Variants in SORL1 observed in about 807,000 individuals in gnomAD.
SORL1 encodes the protein sortilin-related receptor.
In SORL1, 127 loss-of-function variants were observed where a neutral mutation model predicts 273.7. That is an observed-to-expected ratio of 0.46 (90% CI 0.40 to 0.54). SORL1 has a LOEUF of 0.54. Ranked by LOEUF, SORL1 falls within the 20% of genes least tolerant of loss-of-function variation. The pLI is 0.00. For synonymous variants in SORL1, 1,031 were observed against 1,067.4 expected, an observed-to-expected ratio of 0.97 and a Z score of 0.66; for missense variants, 2,494 against 2,846.1, an observed-to-expected ratio of 0.88 and a Z score of 2.81.
Position 121,589,354 on chromosome 11 carries a change from G to A in SORL1, c.4042G>A (p.Asp1348Asn), listed in dbSNP as rs1160681909. 1 of 1,613,684 alleles carries A rather than the reference G, an allele frequency of 6.2e-7. No individual in the cohort carries two copies. The highest frequency in any genetic ancestry group is 8.5e-7 in the Non-Finnish European group (1 of 1,179,658). Residue 1348 changes from aspartate (D) to asparagine (N), a missense_variant, in exon 29 of 48, where the codon GAT becomes AAT. This residue lies in a region of SORL1 where 1,609 missense variants were observed against 1,816.4 expected (regional missense o/e 0.89). Coordinates refer to ENST00000260197, the MANE Select transcript of SORL1 (RefSeq NM_003105.6). ...ISLIWKCDGM[D>N]DCGDYSDEAN... ...TTTGATTTGGAAGTGCGACGGGATG[G>A]ATGATTGCGGCGATTATTCTGATGA...
At chr11:121,547,786 G>A (rs1196671316) in intron 14 of SORL1, among the ~76,000 whole-genome samples, 1 of 152,100 alleles carries the variant, frequency 6.6e-6, no homozygotes. Context: ...TCTTGGAGAT[G>A]TTTGATGGCA....
chr11:121,615,156 C>A, intron 41 of SORL1, 101 bp downstream of exon 41: 3 of 961,804 alleles, frequency 3.1e-6, no homozygotes, highest in Non-Finnish European at 4.5e-6. Context: ...GCAAATGTTC[C>A]GGTGCCCCTG....
At chr11:121,505,197 A>T (rs1480107322) in intron 6 of SORL1, among the ~76,000 whole-genome samples, 1 of 152,044 alleles carries the variant, frequency 6.6e-6, no homozygotes, top group East Asian at 1.9e-4. Context: ...GTATCTTTCT[A>T]GTAATTTGTT....
intron 1 of SORL1, among the ~76,000 whole-genome samples, chr11:121,462,561 A>C (rs908019571): frequency 2.6e-5 from 4 of 152,168 alleles, no homozygotes; most frequent in African/African-American, 9.7e-5. Flanking sequence ...GCTATGAGGC[A>C]GGACCTAGAA....
intron 6 of SORL1, 80 bp from the exon 7 acceptor site, chr11:121,512,923 C>T (rs1235832475): frequency 2.1e-6 from 2 of 941,472 alleles, no homozygotes; most frequent in African/African-American, 3.3e-5. Flanking sequence ...AAGAATCTGA[C>T]TCTTCTATTT....
At chr11:121,573,474 T>TG (rs1305434242) in intron 23 of SORL1, among the ~76,000 whole-genome samples, 1 of 152,120 alleles carries the variant, frequency 6.6e-6, no homozygotes, top group Non-Finnish European at 1.5e-5. Flanking sequence ...TAACTGGGGC[T>TG]GGTGGTGGGT....
chr11:121,452,547 G>A lies in SORL1; in HGVS notation c.216G>A (p.Ala72=), dbSNP rs1266298054. ...GGGATGCCAGGGGGGCGAGCCGCGC[G>A]GACGAGAAGCCGCTCCGGAGGAAAC... is the stretch of plus-strand genomic sequence containing the variant. ...ARGDARGASR[A]DEKPLRRKRS... Residue 72 remains alanine, a synonymous_variant, in exon 1 of 48, where the codon GCG becomes GCA. Transcript: ENST00000260197. This position sits in a 1 kb window ranked among gnomAD's most constrained non-coding sequence, Gnocchi z 5.3. 1.3e-6 allele frequency: 2 copies of A among 1,501,054 alleles called. No individual in the cohort carries two copies. The highest frequency in any genetic ancestry group is 1.2e-5 in the South Asian group (1 of 80,454). 93.0% of individuals were successfully genotyped at this position (1,501,054 alleles called of 1,614,324 possible).
At chr11:121,486,288 C>T (rs546212932) in intron 3 of SORL1, among the ~76,000 whole-genome samples, 5 of 152,204 alleles carry the variant, frequency 3.3e-5, no homozygotes, top group African/African-American at 9.6e-5. Context: ...GGTGTGCATG[C>T]GAGGCCTTAC....
rs770182511 is a variant in SORL1, at chr11:121,595,647, C to A, written c.4394C>A (p.Pro1465His). The part of the protein sequence containing the change: ...LLANVTAAST[P>H]TQLGRCDRFE... Reference sequence around the variant, plus strand: ...GCAAACGTCACTGCTGCCTCCACTCCCACCCAACTTGGGCGATGTGACCGA... The same window carrying A: ...GCAAACGTCACTGCTGCCTCCACTCACACCCAACTTGGGCGATGTGACCGA... Residue 1465 changes from proline (P) to histidine (H), a missense_variant, in exon 32 of 48, where the codon CCC (proline) becomes CAC (histidine). Physicochemically the swap from Pro to His is moderately conservative, Grantham distance 77. Transcript: ENST00000260197. The surrounding 1 kb of genome is among the most constrained non-coding windows in gnomAD (Gnocchi z 5.1). 6 of 1,609,880 alleles carry A rather than the reference C, an allele frequency of 3.7e-6. No individual in the cohort carries two copies. Among genetic ancestry groups the A allele is most frequent in the South Asian group, 2.2e-5 (2 of 90,408 alleles).
At chr11:121,566,486 C>T (rs575848352) in intron 21 of SORL1, among the ~76,000 whole-genome samples, 3 of 152,274 alleles carry the variant, frequency 2.0e-5, no homozygotes, top group African/African-American at 7.2e-5. Context: ...GCTACAGGTG[C>T]GTGCTGCCAT....
chr11:121,628,291 T>C (rs974512973), intron 47 of SORL1, among the ~76,000 whole-genome samples: 1 of 152,202 alleles, frequency 6.6e-6, no homozygotes, highest in African/African-American at 2.4e-5. Flanking sequence ...AAGATAATTC[T>C]TTTTTCACTG....
chr11:121,498,885 A>AAT, intron 6 of SORL1, among the ~76,000 whole-genome samples: 1 of 151,864 alleles, frequency 6.6e-6, no homozygotes. Context: ...CAAAAAAAAA[A>AAT]AAAAGTTATA....
intron 12 of SORL1, among the ~76,000 whole-genome samples, chr11:121,533,587 A>G (rs994888684): frequency 6.6e-6 from 1 of 152,144 alleles, no homozygotes; most frequent in Non-Finnish European, 1.5e-5. Context: ...AACCCATTAG[A>G]TGGATTGGTG....
At chr11:121,464,681 G>C (rs1371935507) in intron 1 of SORL1, among the ~76,000 whole-genome samples, 1 of 152,206 alleles carries the variant, frequency 6.6e-6, no homozygotes, top group Non-Finnish European at 1.5e-5. Flanking sequence ...TGAAGATGCC[G>C]AGGCGAGTCA....
intron 6 of SORL1, among the ~76,000 whole-genome samples, chr11:121,501,479 A>G (rs1487063526): frequency 6.6e-6 from 1 of 152,180 alleles, no homozygotes; most frequent in Non-Finnish European, 1.5e-5. Context: ...TGACTTTATT[A>G]GTCCATTTTC....
intron 6 of SORL1, among the ~76,000 whole-genome samples, chr11:121,498,132 C>G (rs1010696632): frequency 2.6e-5 from 4 of 152,226 alleles, no homozygotes; most frequent in African/African-American, 9.7e-5. Context: ...TTTTTCTTGT[C>G]AGGCCATTTG....
At chr11:121,599,212 T>C (rs1863348055) in intron 32 of SORL1, among the ~76,000 whole-genome samples, 1 of 152,206 alleles carries the variant, frequency 6.6e-6, no homozygotes, top group Non-Finnish European at 1.5e-5. Flanking sequence ...TTGATACTTG[T>C]GTATAAATCC....
chr11:121,465,626 C>G (rs1295374913), intron 1 of SORL1, among the ~76,000 whole-genome samples: 1 of 152,038 alleles, frequency 6.6e-6, no homozygotes, highest in Non-Finnish European at 1.5e-5. Flanking sequence ...CTCCCAGATT[C>G]AAGCAATTCT....
At chr11:121,495,393 G>A (rs1456107970) in intron 5 of SORL1, among the ~76,000 whole-genome samples, 4 of 152,128 alleles carry the variant, frequency 2.6e-5, no homozygotes, top group Admixed American at 2.6e-4. Context: ...ACTACATCTG[G>A]CAAAAGAGGT....
Sources: gnomAD v4.1 joint callset for allele counts (sites outside exome capture counted in the v4.1 genomes callset) on GRCh38, gnomAD v4.1.1 for gene constraint, gnomAD v4.1.1 regional missense constraint, Gnocchi (gnomAD v3.1) non-coding constraint, MANE v1.5 for transcripts, NCBI Gene and HGNC (gene_info 2026-07-23, HGNC 2026-07-21) for gene names.